The following CSMD1 variants were observed in gnomAD, a reference collection of about 807,000 sequenced individuals.
CSMD1 encodes CUB and Sushi multiple domains 1.
Under a neutral mutation model 417.5 loss-of-function variants are expected in CSMD1, and 213 were observed. The ratio of observed to expected loss-of-function variants is 0.51; its 90% CI spans 0.46 to 0.57. CSMD1 has a LOEUF of 0.57. Among genes scored for constraint, CSMD1 ranks in the 20% least tolerant of loss-of-function variants. The pLI is 0.00. For missense variants in CSMD1, 6,923 were observed against 4,529.7 expected, an observed-to-expected ratio of 1.53 and a Z score of -15.17; for synonymous variants, 2,862 against 1,736.8, an observed-to-expected ratio of 1.65 and a Z score of -16.11.
intron 3 of CSMD1, among the ~76,000 whole-genome samples, chr8:4,035,899 C>T (rs182842602): frequency 6.6e-6 from 1 of 152,200 alleles, no homozygotes; most frequent in African/African-American, 2.4e-5. Context: ...TCACCCCTCA[C>T]TCACACACAG....
intron 1 of CSMD1, among the ~76,000 whole-genome samples, chr8:4,944,323 G>A (rs140361514): frequency 2.0e-5 from 3 of 152,222 alleles, no homozygotes; most frequent in Admixed American, 1.3e-4. Context: ...CAGACCAAGA[G>A]AAGAAAGCTA....
chr8:4,115,711 A>G (rs1363402607), intron 3 of CSMD1, among the ~76,000 whole-genome samples: 1 of 152,172 alleles, frequency 6.6e-6, no homozygotes, highest in African/African-American at 2.4e-5. Context: ...TGAGTGAATA[A>G]ACTGTGGGAC....
At chr8:4,501,930 C>G (rs866052532) in intron 2 of CSMD1, among the ~76,000 whole-genome samples, 24 of 151,978 alleles carry the variant, frequency 1.6e-4, no homozygotes, top group Admixed American at 1.2e-3. Context: ...TGGAACATAC[C>G]CCCCTAGAAT....
In CSMD1 at chr8:4,058,888, G is replaced by C. The variant is rs535870420; in HGVS notation, c.416-26789C>G. ...GTCAACATTAGACAGATCAACGAGAGAGAAAGTTAACAAGGATACCCAGGA... is the reference window on the plus strand; with the variant it reads ...GTCAACATTAGACAGATCAACGAGACAGAAAGTTAACAAGGATACCCAGGA... On this transcript the variant is annotated intron_variant, in intron 3 of 69. Transcript: ENST00000635120. Among the ~76,000 whole-genome samples, 108 of 147,514 alleles carry C rather than the reference G, an allele frequency of 7.3e-4. 1 individual carries two copies. In the Middle Eastern group the frequency reaches 0.01, roughly 14 times the overall value.
At chr8:4,771,024 C>G (rs1796572963) in intron 1 of CSMD1, among the ~76,000 whole-genome samples, 2 of 152,154 alleles carry the variant, frequency 1.3e-5, no homozygotes, top group African/African-American at 2.4e-5. Flanking sequence ...AGGCAACTTA[C>G]AGATTCAGAA....
At chr8:3,905,296 C>A (rs939424898) in intron 5 of CSMD1, among the ~76,000 whole-genome samples, 1 of 152,138 alleles carries the variant, frequency 6.6e-6, no homozygotes, top group Non-Finnish European at 1.5e-5. Context: ...CACTGAATAA[C>A]TTAAAGAAGG....
intron 2 of CSMD1, among the ~76,000 whole-genome samples, chr8:4,479,408 G>A (rs1255746436): frequency 6.7e-6 from 1 of 149,136 alleles, no homozygotes; most frequent in Non-Finnish European, 1.5e-5. Context: ...TTTCACTTCA[G>A]TAATTAAGAA....
chr8:3,348,618 C>A (rs1268286131), intron 21 of CSMD1, among the ~76,000 whole-genome samples: 1 of 152,164 alleles, frequency 6.6e-6, no homozygotes, highest in Non-Finnish European at 1.5e-5. Flanking sequence ...GGGACGCATT[C>A]AAAGGGGAAT....
intron 52 of CSMD1, among the ~76,000 whole-genome samples, chr8:3,013,026 T>G (rs1808521455): frequency 6.6e-6 from 1 of 152,182 alleles, no homozygotes; most frequent in Non-Finnish European, 1.5e-5. Context: ...TGCTTCTCCT[T>G]TACCTTCCAC....
At chr8:3,113,482 T>A (rs577468713) in intron 42 of CSMD1, 37 of 152,340 alleles carry the variant, frequency 2.4e-4, no homozygotes, top group African/African-American at 8.7e-4. Flanking sequence ...GAAAGCTACA[T>A]ATTTTGATCC....
intron 3 of CSMD1, among the ~76,000 whole-genome samples, chr8:4,245,764 C>T (rs908240140): frequency 8.5e-5 from 13 of 152,158 alleles, no homozygotes; most frequent in Non-Finnish European, 1.6e-4. Flanking sequence ...TATCACCCAA[C>T]TCTGTTTTCA....
At chr8:3,314,517 A>G (rs17079900) in intron 23 of CSMD1, among the ~76,000 whole-genome samples, 2,473 of 152,298 alleles carry the variant, frequency 0.016, 72 homozygotes, top group African/African-American at 0.056. Context: ...ACTAAATCAC[A>G]TTATTTGTGT....
intron 3 of CSMD1, among the ~76,000 whole-genome samples, chr8:4,405,671 C>T (rs950549712): frequency 3.3e-5 from 5 of 152,318 alleles, no homozygotes; most frequent in African/African-American, 1.2e-4. Context: ...AGACACATCA[C>T]TCATCGCTAA....
chr8:4,348,324 G>A (rs887520532), intron 3 of CSMD1, among the ~76,000 whole-genome samples: 59 of 152,152 alleles, frequency 3.9e-4, no homozygotes, highest in African/African-American at 1.3e-3. Context: ...GTAAGAGTGT[G>A]AGGCCACAGC....
intron 7 of CSMD1, among the ~76,000 whole-genome samples, chr8:3,635,310 C>G (rs1358653948): frequency 6.6e-6 from 1 of 151,970 alleles, no homozygotes; most frequent in Non-Finnish European, 1.5e-5. Flanking sequence ...CCCATCTCTA[C>G]TAAAAATACA....
intron 33 of CSMD1, 51 bp from the exon 34 acceptor site, chr8:3,190,166 G>A: frequency 2.7e-6 from 4 of 1,471,802 alleles, no homozygotes; most frequent in Non-Finnish European, 3.7e-6. Flanking sequence ...CAGCAAGCCA[G>A]GACGTTGCGT....
chr8:4,318,032 C>G (rs1001270264), intron 3 of CSMD1, among the ~76,000 whole-genome samples: 1 of 152,058 alleles, frequency 6.6e-6, no homozygotes, highest in African/African-American at 2.4e-5. Context: ...ATTCTATTAG[C>G]AATATATAAA....
intron 3 of CSMD1, among the ~76,000 whole-genome samples, chr8:4,033,886 A>G (rs904423546): frequency 2.6e-5 from 4 of 152,182 alleles, no homozygotes; most frequent in Non-Finnish European, 5.9e-5. Flanking sequence ...AATGGATGAA[A>G]TTCATCATTG....
chr8:4,791,925 G>A (rs1020795311), intron 1 of CSMD1, among the ~76,000 whole-genome samples: 1 of 150,046 alleles, frequency 6.7e-6, no homozygotes, highest in South Asian at 2.1e-4. Context: ...GATTAATTTA[G>A]TTTCTTTATG....
Sources: allele counts gnomAD v4.1 joint callset (sites outside exome capture counted in the v4.1 genomes callset), GRCh38; gene constraint gnomAD v4.1.1; transcripts MANE v1.5; gene names NCBI Gene and HGNC (gene_info 2026-07-23, HGNC 2026-07-21).